The following MYH3 variants were observed in gnomAD, a reference collection of about 807,000 sequenced individuals.
MYH3 encodes myosin-3.
Under a neutral mutation model 238.0 loss-of-function variants are expected in MYH3, and 130 were observed. The observed-to-expected ratio is 0.55, with a 90% CI of 0.47 to 0.63. The LOEUF (loss-of-function observed/expected upper bound fraction) is 0.63. MYH3 is among the 30% of genes least tolerant of loss of function. The pLI, the probability that MYH3 is intolerant of heterozygous loss-of-function variation, is 0.00. For synonymous variants in MYH3, 880 were observed against 924.1 expected (o/e 0.95, Z 0.86); for missense variants, 1,853 against 2,374.9 (o/e 0.78, Z 4.57).
At chr17:10,663,861 G>A in the MYH3 span, among the ~76,000 whole-genome samples, 75 of 151,990 alleles carry the variant, frequency 4.9e-4, no homozygotes, top group African/African-American at 1.8e-3. Context: ...TCAGGAGTTC[G>A]AGACCAGCGT....
rs747751601 is a variant in MYH3 at position 10,642,921 on chromosome 17, C to T, written c.1486G>A (p.Val496Met). 16 of 1,614,148 alleles carry T rather than the reference C, an allele frequency of 9.9e-6. No homozygotes were observed. The highest frequency in any genetic ancestry group is 9.9e-5 in the South Asian group (9 of 91,080). The change falls in exon 15 of 41, where the codon GTG (valine) becomes ATG (methionine). Residue 496 changes from valine to methionine, a missense_variant. Coordinates refer to ENST00000583535, the MANE Select transcript of MYH3 (RefSeq NM_002470.4). The surrounding 1 kb of genome is among the most constrained non-coding windows in gnomAD (Gnocchi z 5.4). ...LQQFFNHHMF[V>M]LEQEEYKKEG... is the part of the protein sequence containing the mutation. The stretch of plus-strand genomic sequence containing the variant: ...TTCTTGTACTCCTCCTGCTCCAGCA[C>T]GAACATGTGGTGGTTGAAAAACTGT...
At chr17:10,632,146 G>A (rs2074168993) in intron 34 of MYH3, 130 bp from the exon 35 acceptor site, 1 of 1,242,256 alleles carries the variant, frequency 8.0e-7, no homozygotes, top group Non-Finnish European at 1.1e-6. Flanking sequence ...TTTTGAGACA[G>A]GGTCTTGTTC....
At chr17:10,641,043 T>C in intron 19 of MYH3, 42 bp downstream of exon 19, 2 of 1,426,792 alleles carry the variant, frequency 1.4e-6, no homozygotes, top group Non-Finnish European at 2.0e-6. Context: ...CCAGTGTTCG[T>C]ACATCTCATC....
At chr17:10,664,280 C>T in the MYH3 span, among the ~76,000 whole-genome samples, 14 of 151,922 alleles carry the variant, frequency 9.2e-5, no homozygotes, top group Non-Finnish European at 1.8e-4. Flanking sequence ...GTAAACTCTG[C>T]GAGGGAGGCA....
intron 8 of MYH3, among the ~76,000 whole-genome samples, chr17:10,647,669 T>A (rs3760432): frequency 6.6e-6 from 1 of 152,056 alleles, no homozygotes; most frequent in Non-Finnish European, 1.5e-5. Context: ...CTCAGCCTCC[T>A]GAGTAGCTGG....
chr17:10,655,350 C>T (rs917101736), intron 2 of MYH3, among the ~76,000 whole-genome samples: 3 of 152,250 alleles, frequency 2.0e-5, no homozygotes, highest in African/African-American at 4.8e-5. Context: ...CTTGAACTGG[C>T]GATAAGGGGT....
chr17:10,652,096 C>T, intron 4 of MYH3: 1 of 423,750 alleles, frequency 2.4e-6, no homozygotes, highest in East Asian at 5.3e-5. Flanking sequence ...GGGGAGGCTA[C>T]CATTCCTATT....
upstream of MYH3, chr17:10,658,825 C>T (rs2074460049): frequency 6.6e-6 from 1 of 152,326 alleles, no homozygotes; most frequent in Non-Finnish European, 1.5e-5. Flanking sequence ...GTAACCGTCA[C>T]TCCTAAAGTG....
At position 10,640,366 on chromosome 17, in the gene MYH3, A is replaced by G. The variant is rs746986821; in HGVS notation, c.2393T>C (p.Met798Thr). ...RTQAVCRGFL[M>T]RVEFQKMVQR... is the part of the protein sequence containing the mutation. ...CACCATCTTCTGGAATTCCACACGC[A>G]TGAGGAACCCTCTGCACACAGCTTG... The change falls in exon 21 of 41, where the codon ATG (methionine) becomes ACG (threonine). Residue 798 changes from methionine to threonine, a missense_variant. This residue lies in a region of MYH3 where 678 missense variants were observed against 1,058.9 expected (regional missense o/e 0.64). Transcript: ENST00000583535. 1 of 1,614,212 alleles carries G rather than the reference A, an allele frequency of 6.2e-7. No homozygotes were observed. The highest frequency in any genetic ancestry group is 8.5e-7 in the Non-Finnish European group (1 of 1,180,038).
chr17:10,673,927 G>C, the MYH3 span: 1 of 152,196 alleles, frequency 6.6e-6, no homozygotes, highest in Non-Finnish European at 1.5e-5. Context: ...TTGTTTATTT[G>C]AGAGACTCTT....
Position 10,647,927 on chromosome 17 carries a change from T to C in MYH3, c.736-501A>G, listed in dbSNP as rs375920653. The stretch of plus-strand genomic sequence containing the variant: ...TGGGGTTTTCCTTATTTCCTTTTAT[T>C]TATCCCTTTTATTCTATGCTCATCC... On this transcript the variant is annotated intron_variant, in intron 8 of 40. Transcript: ENST00000583535. Among the ~76,000 whole-genome samples, 8 of 152,162 alleles carry C rather than the reference T, an allele frequency of 5.3e-5. 1 individual carries two copies.
chr17:10,663,999 G>A, the MYH3 span, among the ~76,000 whole-genome samples: 5 of 142,430 alleles, frequency 3.5e-5, no homozygotes, highest in Non-Finnish European at 7.5e-5. Context: ...GGGGGCAGAT[G>A]TTGCAGTGAG....
At position 10,654,742 on chromosome 17, in the gene MYH3, G is replaced by T; in HGVS notation, c.204+119C>A. Reference sequence around the variant, plus strand: ...TGGGAAGCCCCAGGCTACATTGTATGCGGCATTCCAGTGCTGGAACCACAT... The same window carrying T: ...TGGGAAGCCCCAGGCTACATTGTATTCGGCATTCCAGTGCTGGAACCACAT... On this transcript the variant is annotated intron_variant, in intron 3 of 40. Transcript: ENST00000583535. This position sits in a 1 kb window ranked among gnomAD's most constrained non-coding sequence, Gnocchi z 4.5. 1.1e-6 allele frequency: 1 copy of T among 932,626 alleles called. No homozygotes were observed. Among genetic ancestry groups the T allele is most frequent in the Non-Finnish European group, 1.8e-6 (1 of 560,638 alleles). The allele number at this position is 932,626 out of a possible 1,614,324, so 57.8% of individuals were successfully genotyped here.
At chr17:10,640,987 C>G in intron 19 of MYH3, 98 bp downstream of exon 19, 1 of 1,052,560 alleles carries the variant, frequency 9.5e-7, no homozygotes, top group Non-Finnish European at 1.5e-6. Context: ...CATATCTGTT[C>G]TTTCGAAATA....
chr17:10,635,476 T>C lies in MYH3; in HGVS notation c.4063A>G (p.Lys1355Glu). 1 of 1,614,202 alleles carries C rather than the reference T, an allele frequency of 6.2e-7. No individual in the cohort carries two copies. Residue 1355 changes from lysine (K) to glutamate (E), a missense_variant, in exon 30 of 41, where the codon AAA becomes GAA. Lys to Glu is a moderately conservative substitution (Grantham distance 56). Transcript: ENST00000583535. ...GACAGCGCCCTCTGCAGCTCAGCTT[T>C]GCCTTCCTGCTCCTCCTCATACTGT... ...REQYEEEQEG[K>E]AELQRALSKA...
At chr17:10,663,751 CTAA>C in the MYH3 span, among the ~76,000 whole-genome samples, 1 of 95,538 alleles carries the variant, frequency 1.0e-5, no homozygotes, top group African/African-American at 3.4e-5. Context: ...ATTCCAAAAA[CTAA>C]CTAACACTTA....
In MYH3 at chr17:10,632,679, C is replaced by T. The variant is rs747340969; in HGVS notation, c.4753G>A (p.Glu1585Lys). The change falls in exon 34 of 41, where the codon GAG becomes AAG. Residue 1585 changes from glutamate (E) to lysine (K), a missense_variant. This residue lies in a region of MYH3 where 1,044 missense variants were observed against 1,192.6 expected (regional missense o/e 0.88). Coordinates refer to ENST00000583535, the MANE Select transcript of MYH3 (RefSeq NM_002470.4). ...CTCTGGTAGTTCCTCTTCAGCTGCTCGATCTCTTCATCCTTCTCGGCGATC... is the reference window on the plus strand; with the variant it reads ...CTCTGGTAGTTCCTCTTCAGCTGCTTGATCTCTTCATCCTTCTCGGCGATC... ...RKIAEKDEEI[E>K]QLKRNYQRTV... 1.2e-5 allele frequency: 19 copies of T among 1,614,050 alleles called. No individual in the cohort carries two copies. Among genetic ancestry groups the T allele is most frequent in the South Asian group, 2.2e-5 (2 of 91,078 alleles).
rs753477378 is a variant in MYH3 at position 10,638,460 on chromosome 17, G to T, written c.3340-28C>A. On this transcript the variant is annotated intron_variant, in intron 26 of 40. Transcript: ENST00000583535. ...GTGGAGGGCAGCCGTTCACCCCGTG[G>T]GCAGTGGGTTCACCGCGGGGACTCT... The T allele has an allele frequency of 4.4e-6, 7 of 1,599,336 alleles. 1 individual carries two copies. In the Middle Eastern group the frequency reaches 8.3e-4, roughly 189 times the overall value.
In MYH3 at chr17:10,644,663, G is replaced by A. The variant is rs750125413; in HGVS notation, c.1181C>T (p.Ser394Leu). 1.2e-6 allele frequency: 2 copies of A among 1,613,990 alleles called. No homozygotes were observed. Among genetic ancestry groups the A allele is most frequent in the Non-Finnish European group, 1.7e-6 (2 of 1,180,010 alleles). The change falls in exon 13 of 41, where the codon TCG (serine) becomes TTG (leucine). Residue 394 changes from serine (S) to leucine (L), a missense_variant. This residue lies in a region of MYH3 where 678 missense variants were observed against 1,058.9 expected (regional missense o/e 0.64). Transcript: ENST00000583535. The part of the protein sequence containing the change: ...KTAYLMGLNS[S>L]DLLKALCFPR... Reference sequence around the variant, plus strand: ...AAAGCACAAAGCTTTTAGGAGGTCCGAAGAGTTCAGGCCCATCAGATAGGC... The same window carrying A: ...AAAGCACAAAGCTTTTAGGAGGTCCAAAGAGTTCAGGCCCATCAGATAGGC...
Sources: gnomAD v4.1 joint callset for allele counts (sites outside exome capture counted in the v4.1 genomes callset) on GRCh38, gnomAD v4.1.1 for gene constraint, gnomAD v4.1.1 regional missense constraint, Gnocchi (gnomAD v3.1) non-coding constraint, MANE v1.5 for transcripts, NCBI Gene and HGNC (gene_info 2026-07-23, HGNC 2026-07-21) for gene names.